CNTN4: variants seen among roughly 807,000 people sequenced by gnomAD.
The protein encoded by CNTN4 is contactin 4.
In CNTN4, 77 loss-of-function variants were observed where a neutral mutation model predicts 122.5. That is an observed-to-expected ratio of 0.63 (90% confidence interval 0.52 to 0.76). The LOEUF (loss-of-function observed/expected upper bound fraction) is 0.76, where lower values mean the gene tolerates loss of function less well. Ranked by LOEUF, CNTN4 falls within the 30% of genes least tolerant of loss-of-function variation. The probability of loss-of-function intolerance (pLI) is 0.00; values close to 1 mark genes in which losing one functional copy is unlikely to be tolerated. For synonymous variants in CNTN4, 512 were observed against 447.0 expected (o/e 1.15, Z -1.83); for missense variants, 1,256 against 1,259.1 (o/e 1.00, Z 0.04).
At chr3:2,247,642 C>G (rs2040206683) in intron 2 of CNTN4, among the ~76,000 whole-genome samples, 1 of 151,878 alleles carries the variant, frequency 6.6e-6, no homozygotes. Flanking sequence ...TAAAATGGCT[C>G]TAAAACTGAG....
intron 6 of CNTN4, among the ~76,000 whole-genome samples, chr3:2,797,408 G>A (rs2092220379): frequency 6.6e-6 from 1 of 152,164 alleles, no homozygotes; most frequent in Non-Finnish European, 1.5e-5. Context: ...GACCAACCTG[G>A]CCAACATGAT....
intron 2 of CNTN4, among the ~76,000 whole-genome samples, chr3:2,241,434 C>A (rs1471715678): frequency 6.6e-6 from 1 of 152,118 alleles, no homozygotes; most frequent in African/African-American, 2.4e-5. Flanking sequence ...TATCACTTGC[C>A]ATTTCACTCA....
intron 2 of CNTN4, among the ~76,000 whole-genome samples, chr3:2,112,063 T>C (rs1473864104): frequency 6.6e-6 from 1 of 152,162 alleles, no homozygotes; most frequent in Non-Finnish European, 1.5e-5. Context: ...TGACTATTAC[T>C]GCGAGCCACT....
intron 3 of CNTN4, among the ~76,000 whole-genome samples, chr3:2,377,007 T>C (rs1216803601): frequency 1.3e-5 from 2 of 152,006 alleles, no homozygotes; most frequent in African/African-American, 2.4e-5. Context: ...AATACAAAAA[T>C]TAGCCAGGCA....
At chr3:3,026,010 T>G (rs1055792371) in intron 14 of CNTN4, 92 bp from the exon 15 acceptor site, 3 of 1,218,018 alleles carry the variant, frequency 2.5e-6, no homozygotes, top group Admixed American at 1.9e-5. Context: ...AATTACTTAG[T>G]ATTTCATCCT....
At chr3:2,450,191 A>G (rs2048774914) in intron 3 of CNTN4, among the ~76,000 whole-genome samples, 1 of 152,158 alleles carries the variant, frequency 6.6e-6, no homozygotes, top group African/African-American at 2.4e-5. Context: ...TATGACAAAA[A>G]TCCAATCTCT....
At chr3:2,533,771 G>C (rs978548842) in intron 3 of CNTN4, among the ~76,000 whole-genome samples, 2 of 152,140 alleles carry the variant, frequency 1.3e-5, no homozygotes, top group African/African-American at 4.8e-5. Context: ...TCCAGCACCT[G>C]TTGTTTCCTG....
chr3:2,630,549 G>A (rs1025557304), intron 4 of CNTN4, among the ~76,000 whole-genome samples: 1 of 152,090 alleles, frequency 6.6e-6, no homozygotes, highest in Non-Finnish European at 1.5e-5. Flanking sequence ...CTATTGGCTT[G>A]ACAAGCCCAA....
chr3:2,405,963 G>C (rs1253704014), intron 3 of CNTN4, among the ~76,000 whole-genome samples: 1 of 151,824 alleles, frequency 6.6e-6, no homozygotes, highest in Non-Finnish European at 1.5e-5. Context: ...GGAGGTCAAG[G>C]TTGTAGTGAG....
chr3:2,207,485 A>T (rs867230222), intron 2 of CNTN4, among the ~76,000 whole-genome samples: 32 of 152,118 alleles, frequency 2.1e-4, no homozygotes, highest in Non-Finnish European at 2.8e-4. Context: ...CTTAGTGATG[A>T]GATGGAGAAA....
chr3:3,021,907 C>G (rs1698328116), intron 14 of CNTN4, among the ~76,000 whole-genome samples: 2 of 152,006 alleles, frequency 1.3e-5, no homozygotes, highest in African/African-American at 4.8e-5. Flanking sequence ...TAGCAAGACC[C>G]TGTGTCTATA....
intron 12 of CNTN4, among the ~76,000 whole-genome samples, chr3:2,904,215 G>A (rs2094205377): frequency 6.6e-6 from 1 of 152,146 alleles, no homozygotes; most frequent in Admixed American, 6.6e-5. Context: ...GGAAGACTAT[G>A]AATAAGAGAA....
At chr3:2,701,529 T>A (rs144169420) in intron 4 of CNTN4, among the ~76,000 whole-genome samples, 2 of 152,228 alleles carry the variant, frequency 1.3e-5, no homozygotes, top group African/African-American at 2.4e-5. Context: ...CTTATCCAAT[T>A]TGTGTTTTGC....
chr3:3,034,672 C>T lies in CNTN4; in HGVS notation c.1824C>T (p.Ile608=). 1 of 1,614,116 alleles carries T rather than the reference C, an allele frequency of 6.2e-7. No homozygotes were observed. The highest frequency in any genetic ancestry group is 1.1e-5 in the South Asian group (1 of 91,072). ...GPPEAVTIDE[I]TDTTAQLSWR... Reference sequence around the variant, plus strand: ...CAGAGGCTGTGACAATAGACGAAATCACAGATACCACTGCTCAGCTCTCCT... The same window carrying T: ...CAGAGGCTGTGACAATAGACGAAATTACAGATACCACTGCTCAGCTCTCCT... The change falls in exon 17 of 25, where the codon ATC becomes ATT. Residue 608 remains isoleucine, a synonymous_variant. Coordinates refer to ENST00000418658, the MANE Select transcript of CNTN4 (RefSeq NM_175607.3).
chr3:2,991,917 A>C (rs1050205139), intron 14 of CNTN4, among the ~76,000 whole-genome samples: 2 of 152,114 alleles, frequency 1.3e-5, no homozygotes, highest in Non-Finnish European at 2.9e-5. Flanking sequence ...ATTCTTTCCG[A>C]TTTCCTCATG....
In CNTN4 at chr3:2,796,110, C is replaced by T. The variant is rs574590833; in HGVS notation, c.359-23376C>T. ...GTAAAGGTTAAGGTTGTCTTTGTTGCTTTCTTTTAAATTAAATCCAAGTGC... is the reference window on the plus strand; with the variant it reads ...GTAAAGGTTAAGGTTGTCTTTGTTGTTTTCTTTTAAATTAAATCCAAGTGC... On this transcript the variant is annotated intron_variant, in intron 6 of 24. Transcript: ENST00000418658. 9.2e-5 allele frequency among the ~76,000 whole-genome samples: 14 copies of T among 152,146 alleles called. No individual in the cohort carries two copies. In the South Asian group the frequency reaches 2.9e-3, roughly 32 times the overall value.
At chr3:2,723,091 T>C (rs1164021308) in intron 4 of CNTN4, among the ~76,000 whole-genome samples, 1 of 152,202 alleles carries the variant, frequency 6.6e-6, no homozygotes, top group Non-Finnish European at 1.5e-5. Flanking sequence ...TCCATCATTC[T>C]TTCCCACTAT....
chr3:2,737,099 G>T (rs762251747), intron 5 of CNTN4, among the ~76,000 whole-genome samples: 1 of 151,608 alleles, frequency 6.6e-6, no homozygotes, highest in Non-Finnish European at 1.5e-5. Flanking sequence ...TTTATTTTTC[G>T]AGACAGGGTC....
chr3:2,640,348 G>T (rs956526621), intron 4 of CNTN4, among the ~76,000 whole-genome samples: 3 of 152,298 alleles, frequency 2.0e-5, no homozygotes, highest in East Asian at 3.8e-4. Context: ...CAGAGATTTT[G>T]TAAGGCTGTT....
Sources: allele counts gnomAD v4.1 joint callset (sites outside exome capture counted in the v4.1 genomes callset), GRCh38; gene constraint gnomAD v4.1.1; transcripts MANE v1.5; gene names NCBI Gene and HGNC (gene_info 2026-07-23, HGNC 2026-07-21).